Variants in FBXW11 observed in about 807,000 individuals in gnomAD.
FBXW11 encodes the protein F-box and WD repeat domain containing 11.
Under a neutral mutation model 77.6 loss-of-function variants are expected in FBXW11, and 19 were observed. The ratio of observed to expected loss-of-function variants is 0.24; its 90% CI spans 0.17 to 0.36. The LOEUF (loss-of-function observed/expected upper bound fraction) is 0.36. Ranked by LOEUF, FBXW11 falls within the 10% of genes least tolerant of loss-of-function variation. FBXW11 has a pLI of 1.00. For missense variants in FBXW11, 334 were observed against 704.2 expected (o/e 0.47, Z 5.95); for synonymous variants, 235 against 249.4 (o/e 0.94, Z 0.54).
intron 1 of FBXW11, among the ~76,000 whole-genome samples, chr5:171,964,777 G>A (rs1764097274): frequency 6.6e-6 from 1 of 152,118 alleles, no homozygotes; most frequent in Admixed American, 6.6e-5. Flanking sequence ...CACGGTTTAA[G>A]GCATTTTCTA....
At chr5:171,893,994 A>G (rs1424571187) in intron 6 of FBXW11, among the ~76,000 whole-genome samples, 1 of 143,108 alleles carries the variant, frequency 7.0e-6, no homozygotes, top group Non-Finnish European at 1.5e-5. Flanking sequence ...GATGGGGGGG[A>G]ATCTCTATAC....
chr5:171,952,353 G>T (rs1244321123), intron 2 of FBXW11, among the ~76,000 whole-genome samples: 11 of 126,372 alleles, frequency 8.7e-5, no homozygotes, highest in East Asian at 7.5e-4. Flanking sequence ...GAAAGATGTG[G>T]TTTTTTTTAA....
At chr5:171,970,141 C>G (rs865880377) in intron 1 of FBXW11, among the ~76,000 whole-genome samples, 1 of 152,182 alleles carries the variant, frequency 6.6e-6, no homozygotes, top group Non-Finnish European at 1.5e-5. Context: ...GTTAAAAAAT[C>G]TTTTGAATTC....
chr5:172,004,168 A>T (rs1310638932), intron 1 of FBXW11, among the ~76,000 whole-genome samples: 1 of 152,232 alleles, frequency 6.6e-6, no homozygotes, highest in Non-Finnish European at 1.5e-5. Flanking sequence ...ATTATTTCCT[A>T]CATTTGATCC....
intron 1 of FBXW11, among the ~76,000 whole-genome samples, chr5:171,998,273 T>TA (rs1196003130): frequency 6.6e-6 from 1 of 151,594 alleles, no homozygotes; most frequent in Non-Finnish European, 1.5e-5. Context: ...TCTTGCCACT[T>TA]AAAAAAGCAT....
rs1310782156 is a variant in FBXW11 at position 171,904,186 on chromosome 5, G to T, written c.437-4086C>A. ...CACACGCCTGTAATCCCAGCTACTT[G>T]GCAGGATGAGGCGCGCGAGAACCAC... On this transcript the variant is annotated intron_variant, in intron 4 of 13. Transcript: ENST00000517395. This position sits in a 1 kb window ranked among gnomAD's most constrained non-coding sequence, Gnocchi z 4.0. Among the ~76,000 whole-genome samples the T allele has an allele frequency of 3.9e-5, 1 of 25,560 alleles. No individual in the cohort carries two copies. Among genetic ancestry groups the T allele is most frequent in the Non-Finnish European group, 8.4e-5 (1 of 11,912 alleles). 16.8% of individuals were successfully genotyped at this position (25,560 alleles called of 152,430 possible).
chr5:171,984,159 A>C (rs2113510709), intron 1 of FBXW11, among the ~76,000 whole-genome samples: 1 of 152,288 alleles, frequency 6.6e-6, no homozygotes, highest in East Asian at 1.9e-4. Context: ...TTAAGAAGAG[A>C]GTTCATTGAC....
rs140410554 is a variant in FBXW11, at chr5:171,929,015, G to A, written c.148-14610C>T. On this transcript the variant is annotated intron_variant, in intron 2 of 13. Transcript: ENST00000517395. ...TTGAACCTGGGAGATGGAGGCTGCA[G>A]TGAGCTGAGGTCGTGCCACTGCACT... is the stretch of plus-strand genomic sequence containing the variant. Among the ~76,000 whole-genome samples the A allele has an allele frequency of 5.7e-3, 875 of 152,298 alleles. 10 individuals are homozygous for A. Among genetic ancestry groups the A allele is most frequent in the African/African-American group, 0.02 (829 of 41,572 alleles).
chr5:171,965,714 G>A (rs1039837368), intron 1 of FBXW11, among the ~76,000 whole-genome samples: 4 of 151,774 alleles, frequency 2.6e-5, no homozygotes, highest in African/African-American at 7.3e-5. Context: ...ATAATACCAA[G>A]TATAATTTTA....
chr5:172,005,816 C>G (rs534900318), intron 1 of FBXW11, among the ~76,000 whole-genome samples: 2 of 152,280 alleles, frequency 1.3e-5, no homozygotes, highest in South Asian at 2.1e-4. Context: ...ATGCAAACAT[C>G]CCTCTCCGCC....
chr5:171,972,654 C>G (rs1037437952), intron 1 of FBXW11, among the ~76,000 whole-genome samples: 1 of 151,736 alleles, frequency 6.6e-6, no homozygotes, highest in Admixed American at 6.6e-5. Context: ...AAGTGATTCT[C>G]CTGCCTCAGC....
At chr5:171,962,172 AC>A (rs1156640647) in intron 1 of FBXW11, among the ~76,000 whole-genome samples, 4 of 152,142 alleles carry the variant, frequency 2.6e-5, no homozygotes, top group Admixed American at 6.5e-5. Context: ...TACCCCTGAT[AC>A]CATGGGTATT....
Position 171,869,406 on chromosome 5 carries a change from T to C in FBXW11, c.1530+323A>G, listed in dbSNP as rs925193260. Among the ~76,000 whole-genome samples the C allele has an allele frequency of 2.6e-5, 4 of 152,250 alleles. No individual in the cohort carries two copies. The South Asian group carries it at 8.3e-4, about 32-fold the overall frequency. On this transcript the variant is annotated intron_variant, in intron 12 of 13. Transcript: ENST00000517395. The surrounding 1 kb of genome is among the most constrained non-coding windows in gnomAD (Gnocchi z 4.1). The stretch of plus-strand genomic sequence containing the variant: ...ATAAAAATGTGCTGTTATTAAAACA[T>C]AACCACAAATAGCCATATTAAGAAA...
At chr5:171,899,411 G>A (rs1403547791) in intron 5 of FBXW11, among the ~76,000 whole-genome samples, 7 of 152,076 alleles carry the variant, frequency 4.6e-5, no homozygotes, top group African/African-American at 1.7e-4. Flanking sequence ...ACTTCCTCCC[G>A]TAAGGAAAAT....
rs191310023 is a variant in FBXW11 at position 171,878,217 on chromosome 5, A to C, written c.853-88T>G. 168 of 891,326 alleles carry C rather than the reference A, an allele frequency of 1.9e-4. No individual in the cohort carries two copies. The Admixed American group carries it at 3.8e-3, about 20-fold the overall frequency. The allele number at this position is 891,326 out of a possible 1,614,324, so 55.2% of individuals were successfully genotyped here. ...GTCCCACCTTATGTTCTGATTATAAAATAAAACACACTTGGGTTACAGTAA... is the reference window on the plus strand; with the variant it reads ...GTCCCACCTTATGTTCTGATTATAACATAAAACACACTTGGGTTACAGTAA... On this transcript the variant is annotated intron_variant, in intron 7 of 13. Transcript: ENST00000517395.
intron 2 of FBXW11, among the ~76,000 whole-genome samples, chr5:171,957,160 C>T (rs749078778): frequency 1.3e-5 from 2 of 152,122 alleles, no homozygotes; most frequent in East Asian, 3.8e-4. Flanking sequence ...ATTCCCTCCC[C>T]GCTCCTTTTT....
chr5:171,911,358 G>A (rs1760874508), intron 3 of FBXW11, among the ~76,000 whole-genome samples: 1 of 152,184 alleles, frequency 6.6e-6, no homozygotes, highest in African/African-American at 2.4e-5. Flanking sequence ...GTCTGGAGTG[G>A]AGCCCATGAA....
chr5:171,999,684 C>T (rs746213753), intron 1 of FBXW11, among the ~76,000 whole-genome samples: 1 of 152,138 alleles, frequency 6.6e-6, no homozygotes, highest in South Asian at 2.1e-4. Context: ...TTAAAAATTA[C>T]TCAAGTTCCT....
In FBXW11 at chr5:171,876,517, G is replaced by A. The variant is rs548680205; in HGVS notation, c.989C>T (p.Thr330Met). ...DSTVRVWDVN[T>M]GEVLNTLIHH... is the part of the protein sequence containing the mutation. ...GATCAATGTGTTAAGAACTTCACCC[G>A]TGTTCACATCCCACACTCTAGGAGA... The change falls in exon 9 of 14, where the codon ACG becomes ATG. Residue 330 changes from threonine (T) to methionine (M), a missense_variant. By Grantham distance (81) the Thr-to-Met change is moderately conservative. Around this residue, in one of 10 missense-constraint regions of FBXW11, gnomAD observed 70 missense variants for 136.6 expected, o/e 0.51. Coordinates refer to ENST00000517395, the MANE Select transcript of FBXW11 (RefSeq NM_001378974.1). The surrounding 1 kb of genome is among the most constrained non-coding windows in gnomAD (Gnocchi z 4.2). The A allele has an allele frequency of 1.8e-5, 29 of 1,613,972 alleles. No individual in the cohort carries two copies. Among genetic ancestry groups the A allele is most frequent in the Middle Eastern group, 1.6e-4 (1 of 6,082 alleles).
Sources: gnomAD v4.1 joint callset for allele counts (sites outside exome capture counted in the v4.1 genomes callset) on GRCh38, gnomAD v4.1.1 for gene constraint, gnomAD v4.1.1 regional missense constraint, Gnocchi (gnomAD v3.1) non-coding constraint, MANE v1.5 for transcripts, NCBI Gene and HGNC (gene_info 2026-07-23, HGNC 2026-07-21) for gene names.